SBF2: variants seen among roughly 807,000 people sequenced by gnomAD.
SBF2 encodes SET binding factor 2, also known as myotubularin-related protein 13.
Under a neutral mutation model 225.2 loss-of-function variants are expected in SBF2, and 112 were observed. The ratio of observed to expected loss-of-function variants is 0.50; its 90% CI spans 0.43 to 0.58. The LOEUF is 0.58. Among genes scored for constraint, SBF2 ranks in the 20% least tolerant of loss-of-function variants. The pLI is 0.00. For missense variants in SBF2, 1,996 were observed against 2,206.2 expected (o/e 0.90, Z 1.91); for synonymous variants, 763 against 773.3 (o/e 0.99, Z 0.22).
chr11:9,778,670 G>T lies in SBF2; in HGVS notation c.*1748C>A, dbSNP rs1265334094. ...ATTAGGAGAATGAAGGAACAAAGTGGGTCATGCTTTGTTTTATTCTTGAAC... is the reference window on the plus strand; with the variant it reads ...ATTAGGAGAATGAAGGAACAAAGTGTGTCATGCTTTGTTTTATTCTTGAAC... On this transcript the variant is annotated 3_prime_UTR_variant, in exon 40 of 40. Transcript: ENST00000256190. The T allele has an allele frequency of 6.6e-6, 1 of 152,434 alleles. No individual in the cohort carries two copies. 9.4% of individuals were successfully genotyped at this position (152,434 alleles called of 1,614,324 possible). A position where few individuals can be genotyped will look rare whatever the true frequency, so the allele number is the denominator to read the frequency against.
chr11:10,302,622 G>A (rs767383525), intron 1 of SBF2: 2 of 152,222 alleles, frequency 1.3e-5, no homozygotes, highest in Admixed American at 6.5e-5. Context: ...TACACTCCTG[G>A]GCTTGCTTTC....
intron 2 of SBF2, among the ~76,000 whole-genome samples, chr11:10,174,706 T>C (rs1264448988): frequency 1.3e-5 from 2 of 151,922 alleles, no homozygotes; most frequent in East Asian, 1.9e-4. Context: ...AGACACATAA[T>C]TGTCAGATTC....
rs1963870823 is a variant in SBF2, at chr11:10,287,398, TA to T, written c.55+6616del. Among the ~76,000 whole-genome samples the T allele has an allele frequency of 3.9e-5, 6 of 152,152 alleles. No individual in the cohort carries two copies. In the East Asian group the frequency reaches 1.2e-3, roughly 29 times the overall value. ...CTAGGTTCAAGCAGTCCTCCCATCT[TA>T]GCATCCGAAGTAGCTGGAACTACAG... On this transcript the variant is annotated intron_variant, in intron 1 of 39. Coordinates refer to ENST00000256190, the MANE Select transcript of SBF2 (RefSeq NM_030962.4).
At chr11:9,894,020 C>T (rs569846390) in intron 17 of SBF2, among the ~76,000 whole-genome samples, 1 of 152,256 alleles carries the variant, frequency 6.6e-6, no homozygotes, top group Admixed American at 6.5e-5. Context: ...CCAAAGTGGG[C>T]AGACAGCTTG....
At chr11:9,928,512 G>C (rs904817925) in intron 16 of SBF2, among the ~76,000 whole-genome samples, 1 of 152,194 alleles carries the variant, frequency 6.6e-6, no homozygotes, top group Non-Finnish European at 1.5e-5. Flanking sequence ...AATGTAAAAT[G>C]ATAGAGCTGC....
At chr11:10,295,587 C>CA (rs397938160), upstream of SBF2, among the ~76,000 whole-genome samples, 37,945 of 142,474 alleles carry the variant, frequency 0.27, 4,791 homozygotes, top group Middle Eastern at 0.37. Flanking sequence ...ATAATTAAAC[C>CA]AAAAAAAAAA....
At chr11:10,075,149 G>C in intron 2 of SBF2, among the ~76,000 whole-genome samples, 1 of 152,194 alleles carries the variant, frequency 6.6e-6, no homozygotes, top group East Asian at 1.9e-4. Flanking sequence ...TGTGCCACCA[G>C]ACAGACAAGA....
intron 14 of SBF2, among the ~76,000 whole-genome samples, chr11:9,965,750 CTA>C (rs1394803252): frequency 8.5e-5 from 13 of 152,284 alleles, no homozygotes; most frequent in Admixed American, 6.5e-4. Context: ...ATGAATGAGA[CTA>C]TAGACCTTAC....
intron 1 of SBF2, among the ~76,000 whole-genome samples, chr11:10,268,912 T>G (rs939718882): frequency 2.0e-5 from 3 of 152,184 alleles, no homozygotes; most frequent in African/African-American, 7.2e-5. Context: ...AATCTGAAGG[T>G]CTGATCTCTC....
At chr11:9,954,016 G>A (rs907803742) in intron 16 of SBF2, among the ~76,000 whole-genome samples, 1 of 152,086 alleles carries the variant, frequency 6.6e-6, no homozygotes, top group African/African-American at 2.4e-5. Flanking sequence ...GATATTTTTG[G>A]AGAGATTTTT....
intron 17 of SBF2, among the ~76,000 whole-genome samples, chr11:9,860,447 CT>C (rs747575808): frequency 6.6e-6 from 1 of 151,094 alleles, no homozygotes; most frequent in Non-Finnish European, 1.5e-5. Flanking sequence ...ATTTTTGTAG[CT>C]TTTTTTTGTA....
In SBF2 at chr11:10,031,014, T is replaced by C. The variant is rs201244844; in HGVS notation, c.402+34A>G. On this transcript the variant is annotated intron_variant, in intron 4 of 39. Transcript: ENST00000256190. The stretch of plus-strand genomic sequence containing the variant: ...TTCATTCAAGAGACTCACACAATAA[T>C]ACAAATTAATAATGATAACTATGTG... 9 of 1,563,428 alleles carry C rather than the reference T, an allele frequency of 5.8e-6. No homozygotes were observed. The East Asian group carries it at 2.0e-4, about 35-fold the overall frequency.
In SBF2 at chr11:10,109,864, T is replaced by C. The variant is rs2044146; in HGVS notation, c.142-66883A>G. Among the ~76,000 whole-genome samples, 1,162 of 152,340 alleles carry C rather than the reference T, an allele frequency of 7.6e-3. 14 individuals are homozygous for C. Among genetic ancestry groups the C allele is most frequent in the African/African-American group, 0.026 (1,095 of 41,570 alleles). Reference sequence around the variant, plus strand: ...ACAGTGTTTTCACATACCTTGATTATATTATGAAGCACAAAACATTTTTAT... The same window carrying C: ...ACAGTGTTTTCACATACCTTGATTACATTATGAAGCACAAAACATTTTTAT... On this transcript the variant is annotated intron_variant, in intron 2 of 39. Transcript: ENST00000256190.
At chr11:9,875,068 A>G (rs1339204642) in intron 17 of SBF2, among the ~76,000 whole-genome samples, 1 of 152,206 alleles carries the variant, frequency 6.6e-6, no homozygotes, top group Non-Finnish European at 1.5e-5. Flanking sequence ...ATTAAGACTG[A>G]GCCTCTAGAA....
chr11:9,885,330 T>C (rs1486236341), intron 17 of SBF2, among the ~76,000 whole-genome samples: 1 of 145,680 alleles, frequency 6.9e-6, no homozygotes, highest in Non-Finnish European at 1.5e-5. Context: ...TTGAACATGA[T>C]GTCAATACTC....
chr11:9,869,233 A>C (rs1011709843), intron 17 of SBF2, among the ~76,000 whole-genome samples: 2 of 152,246 alleles, frequency 1.3e-5, no homozygotes, highest in African/African-American at 4.8e-5. Context: ...ATTTTAAAAC[A>C]TATTCGATTC....
In SBF2 at chr11:10,063,548, C is replaced by T. The variant is rs1036834705; in HGVS notation, c.142-20567G>A. Among the ~76,000 whole-genome samples the T allele has an allele frequency of 1.9e-4, 28 of 151,198 alleles. No individual in the cohort carries two copies. The East Asian group carries it at 2.1e-3, about 12-fold the overall frequency. On this transcript the variant is annotated intron_variant, in intron 2 of 39. Coordinates refer to ENST00000256190, the MANE Select transcript of SBF2 (RefSeq NM_030962.4). ...ATTTCTTTGTATTTTTTAGTAGAGA[C>T]GGGTTTCATCATGTTAGCCAGGATG...
chr11:9,976,049 A>ATCT (rs1565084256), intron 13 of SBF2, among the ~76,000 whole-genome samples: 7 of 147,360 alleles, frequency 4.8e-5, no homozygotes, highest in Middle Eastern at 3.6e-3. Context: ...TATAAATCTC[A>ATCT]TATTCTTCTT....
intron 2 of SBF2, among the ~76,000 whole-genome samples, chr11:10,119,616 T>C (rs1590999259): frequency 6.6e-6 from 1 of 152,172 alleles, no homozygotes. Context: ...TCTTCATTTA[T>C]TAAAGTGATT....
Sources: gnomAD v4.1 joint callset for allele counts (sites outside exome capture counted in the v4.1 genomes callset) on GRCh38, gnomAD v4.1.1 for gene constraint, MANE v1.5 for transcripts, NCBI Gene and HGNC (gene_info 2026-07-23, HGNC 2026-07-21) for gene names.